RIN2: variants seen among roughly 807,000 people sequenced by gnomAD.
The protein encoded by RIN2 is Ras and Rab interactor 2.
RIN2 carries 36 observed loss-of-function variants against 78.0 expected under a neutral mutation model. The observed-to-expected ratio is 0.46, with a 90% CI of 0.35 to 0.61. RIN2 has a LOEUF of 0.61. Ranked by LOEUF, RIN2 falls within the 20% of genes least tolerant of loss-of-function variation. The pLI is 0.00. For synonymous variants in RIN2, 466 were observed against 466.8 expected (o/e 1.00, Z 0.02); for missense variants, 1,087 against 1,159.7 (o/e 0.94, Z 0.91).
In RIN2 at chr20:19,983,959, C is replaced by A. The variant is rs558077537; in HGVS notation, c.1763-6047C>A. Among the ~76,000 whole-genome samples the A allele has an allele frequency of 5.3e-5, 8 of 152,042 alleles. No individual in the cohort carries two copies. In the South Asian group the frequency reaches 1.7e-3, roughly 32 times the overall value. On this transcript the variant is annotated intron_variant, in intron 9 of 12. Transcript: ENST00000255006. ...GTTTTTTACATATGTATACATGTGC[C>A]GTGTTGGTTTGCTGCACCCATTAAC...
intron 2 of RIN2, among the ~76,000 whole-genome samples, chr20:19,855,321 G>A (rs1349522508): frequency 6.6e-6 from 1 of 152,088 alleles, no homozygotes; most frequent in Non-Finnish European, 1.5e-5. Context: ...ATGTTCATCA[G>A]GGATATTTGT....
In RIN2 at chr20:19,966,767, G is replaced by A. The variant is rs146103865; in HGVS notation, c.536+1743G>A. On this transcript the variant is annotated intron_variant, in intron 7 of 12. Coordinates refer to ENST00000255006, the MANE Select transcript of RIN2 (RefSeq NM_018993.4). ...AGAAAATGAGGGCTTCACTGAGAAT[G>A]GGACTAGTACCTGGGGGCACCTCCC... is the stretch of plus-strand genomic sequence containing the variant. Among the ~76,000 whole-genome samples, 3 of 152,318 alleles carry A rather than the reference G, an allele frequency of 2.0e-5. No homozygotes were observed. In the East Asian group the frequency reaches 5.8e-4, roughly 29 times the overall value.
At chr20:19,788,450 C>CAAAAACAAAAACAAAAAA (rs908072671) in intron 1 of RIN2, among the ~76,000 whole-genome samples, 1 of 103,520 alleles carries the variant, frequency 9.7e-6, no homozygotes, top group African/African-American at 5.9e-5. Flanking sequence ...AAAAAAAAAA[C>CAAAAACAAAAACAAAAAA]AACTAGCTAG....
chr20:19,854,267 G>T (rs967459391), intron 2 of RIN2, among the ~76,000 whole-genome samples: 6 of 152,236 alleles, frequency 3.9e-5, no homozygotes, highest in African/African-American at 1.4e-4. Flanking sequence ...GTACCATGCT[G>T]TTTTGGTTAC....
At chr20:19,798,900 A>G (rs1368188597) in intron 1 of RIN2, among the ~76,000 whole-genome samples, 3 of 149,606 alleles carry the variant, frequency 2.0e-5, no homozygotes, top group African/African-American at 7.5e-5. Flanking sequence ...AGGATAATAT[A>G]GTAATTTTTT....
At chr20:19,894,175 C>T (rs2038614302) in intron 3 of RIN2, among the ~76,000 whole-genome samples, 1 of 152,132 alleles carries the variant, frequency 6.6e-6, no homozygotes, top group East Asian at 1.9e-4. Flanking sequence ...ATGTGAACAC[C>T]TACTGCTATC....
chr20:19,982,489 C>G (rs1354854150), intron 9 of RIN2, among the ~76,000 whole-genome samples: 1 of 152,172 alleles, frequency 6.6e-6, no homozygotes, highest in Non-Finnish European at 1.5e-5. Flanking sequence ...CAGCTCTGCT[C>G]ACATAAGATA....
In RIN2 at chr20:19,766,014, G is replaced by A. The variant is rs375885614; in HGVS notation, c.-163+7687G>A. Among the ~76,000 whole-genome samples the A allele has an allele frequency of 2.0e-5, 3 of 152,240 alleles. No homozygotes were observed. In the South Asian group the frequency reaches 6.2e-4, roughly 32 times the overall value. On this transcript the variant is annotated intron_variant, in intron 1 of 12. Transcript: ENST00000255006. ...AGGTTGACGGAGGCGCTTTATTAGG[G>A]TGGCTTCTTCAAAGCTTCTTATCCC...
At chr20:19,847,710 T>C (rs563877069) in intron 2 of RIN2, among the ~76,000 whole-genome samples, 1 of 152,326 alleles carries the variant, frequency 6.6e-6, no homozygotes, top group South Asian at 2.1e-4. Context: ...CATATTTAAG[T>C]GGCATTTTAG....
chr20:19,954,710 C>G, intron 4 of RIN2, among the ~76,000 whole-genome samples: 1 of 89,932 alleles, frequency 1.1e-5, no homozygotes, highest in East Asian at 6.9e-4. Context: ...GCCCCTCACC[C>G]CTGTGTCCCT....
At chr20:19,964,901 C>T in intron 6 of RIN2, 51 bp from the exon 7 acceptor site, 1 of 1,510,480 alleles carries the variant, frequency 6.6e-7, no homozygotes. Context: ...CTCTTCCTGT[C>T]CCAGAACGTG....
rs188599800 is a variant in RIN2 at position 19,844,739 on chromosome 20, C to T, written c.-36-44827C>T. On this transcript the variant is annotated intron_variant, in intron 2 of 12. Coordinates refer to ENST00000255006, the MANE Select transcript of RIN2 (RefSeq NM_018993.4). The stretch of plus-strand genomic sequence containing the variant: ...TCTTCTTCTTCTTCTTCTTCTTCTT[C>T]TTCTTTTAATTATACTTTAAGTTCT... Among the ~76,000 whole-genome samples the T allele has an allele frequency of 5.2e-4, 69 of 131,638 alleles. 1 individual carries two copies. Among genetic ancestry groups the T allele is most frequent in the Non-Finnish European group, 6.6e-4 (41 of 61,748 alleles). The allele number at this position is 131,638 out of a possible 152,430, so 86.4% of individuals were successfully genotyped here.
At chr20:19,823,591 T>C in intron 2 of RIN2, 2 of 1,519,038 alleles carry the variant, frequency 1.3e-6, no homozygotes, top group Non-Finnish European at 1.8e-6. Context: ...TAAGGATTGG[T>C]GCCGCATCTG....
intron 2 of RIN2, among the ~76,000 whole-genome samples, chr20:19,874,906 A>G (rs1026926501): frequency 1.3e-5 from 2 of 152,000 alleles, no homozygotes; most frequent in South Asian, 4.2e-4. Context: ...CATCACCCAG[A>G]CTGGAGTGCA....
At chr20:19,899,462 A>T (rs1051849103) in intron 3 of RIN2, among the ~76,000 whole-genome samples, 3 of 152,224 alleles carry the variant, frequency 2.0e-5, no homozygotes, top group African/African-American at 7.2e-5. Flanking sequence ...ATTGCTGTGT[A>T]ACTAATTACC....
chr20:19,878,795 C>T (rs986852301), intron 2 of RIN2, among the ~76,000 whole-genome samples: 2 of 152,120 alleles, frequency 1.3e-5, no homozygotes, highest in Non-Finnish European at 2.9e-5. Context: ...TTACTGTTTT[C>T]CATAATCTAA....
At chr20:19,880,392 C>CTTTTTTTTTTTTTTTTTTTTTTTT (rs33934712) in intron 2 of RIN2, among the ~76,000 whole-genome samples, 1 of 57,388 alleles carries the variant, frequency 1.7e-5, no homozygotes, top group African/African-American at 7.5e-5. Context: ...GGAAGTCATT[C>CTTTTTTTTTTTTTTTTTTTTTTTT]TTTTTTTTTT....
chr20:19,974,905 A>T lies in RIN2; in HGVS notation c.880A>T (p.Arg294Trp), dbSNP rs765780960. Residue 294 changes from arginine to tryptophan, a missense_variant, in exon 9 of 13, where the codon AGG (arginine) becomes TGG (tryptophan). Coordinates refer to ENST00000255006, the MANE Select transcript of RIN2 (RefSeq NM_018993.4). ...LSGGLKRPST[R>W]TPNANGTERT... ...TGGAGGCCTGAAACGGCCGAGCACA[A>T]GGACTCCCAACGCGAATGGCACGGA... The T allele has an allele frequency of 6.2e-7, 1 of 1,613,906 alleles. No individual in the cohort carries two copies. Among genetic ancestry groups the T allele is most frequent in the Non-Finnish European group, 8.5e-7 (1 of 1,179,798 alleles).
chr20:19,996,732 CAAG>C lies in RIN2; in HGVS notation c.2260_2262del (p.Glu754del), dbSNP rs1206075362. The C allele has an allele frequency of 1.2e-6, 2 of 1,613,898 alleles. No homozygotes were observed. The highest frequency in any genetic ancestry group is 1.7e-6 in the Non-Finnish European group (2 of 1,179,866). On this transcript the variant is annotated inframe_deletion, in exon 12 of 13. Coordinates refer to ENST00000255006, the MANE Select transcript of RIN2 (RefSeq NM_018993.4). The stretch of plus-strand genomic sequence containing the variant: ...AGCACTTTCTCTGATAAAGAATTTC[CAAG>C]AAGAACAAGCAGCGCGACTGCTCAG...
Sources: gnomAD v4.1 joint callset for allele counts (sites outside exome capture counted in the v4.1 genomes callset) on GRCh38, gnomAD v4.1.1 for gene constraint, MANE v1.5 for transcripts, NCBI Gene and HGNC (gene_info 2026-07-23, HGNC 2026-07-21) for gene names.